Variants in DUS2 observed in about 807,000 individuals in gnomAD.
DUS2 encodes tRNA-dihydrouridine(20) synthase [NAD(P)+]-like.
Under a neutral mutation model 71.3 loss-of-function variants are expected in DUS2, and 52 were observed. The ratio of observed to expected loss-of-function variants is 0.73; its 90% CI spans 0.58 to 0.92. The LOEUF is 0.92. DUS2 is among the 40% of genes least tolerant of loss of function. The probability of loss-of-function intolerance (pLI) is 0.00; values close to 1 mark genes in which losing one functional copy is unlikely to be tolerated. For synonymous variants in DUS2, 204 were observed against 227.8 expected, an observed-to-expected ratio of 0.90 and a Z score of 0.94; for missense variants, 558 against 622.6, an observed-to-expected ratio of 0.90 and a Z score of 1.10.
intron 2 of DUS2, among the ~76,000 whole-genome samples, chr16:68,026,371 T>C (rs571113340): frequency 6.6e-6 from 1 of 152,304 alleles, no homozygotes; most frequent in African/African-American, 2.4e-5. Context: ...CTTTGGGAAT[T>C]GCAAAGCATT....
intron 8 of DUS2, among the ~76,000 whole-genome samples, chr16:68,064,403 A>G (rs2033978900): frequency 6.6e-6 from 1 of 152,206 alleles, no homozygotes; most frequent in Non-Finnish European, 1.5e-5. Flanking sequence ...CTTAACACAC[A>G]CATGAAACAC....
intron 3 of DUS2, among the ~76,000 whole-genome samples, chr16:68,045,007 G>C (rs1468834459): frequency 6.6e-6 from 1 of 151,940 alleles, no homozygotes; most frequent in African/African-American, 2.4e-5. Flanking sequence ...TGGTCAGGCT[G>C]GTCTTGAACT....
Position 68,023,309 on chromosome 16 carries a change from C to G in DUS2, c.-141C>G. On this transcript the variant is annotated 5_prime_UTR_variant, in exon 1 of 17. Coordinates refer to ENST00000565263, the MANE Select transcript of DUS2 (RefSeq NM_017803.5). ...AGTACGGTGTGTGGAGCTGGAGCAC[C>G]GTGAGGAAGAAGCGAGGTTCTTTTT... 3 of 1,312,734 alleles carry G rather than the reference C, an allele frequency of 2.3e-6. No individual in the cohort carries two copies. Among genetic ancestry groups the G allele is most frequent in the Non-Finnish European group, 3.1e-6 (3 of 969,964 alleles). The allele number at this position is 1,312,734 out of a possible 1,614,324, so 81.3% of individuals were successfully genotyped here.
At position 68,076,683 on chromosome 16, in the gene DUS2, C is replaced by T. The variant is rs1464139353; in HGVS notation, c.1134C>T (p.Cys378=). The T allele has an allele frequency of 6.2e-7, 1 of 1,614,060 alleles. No homozygotes were observed. Among genetic ancestry groups the T allele is most frequent in the Non-Finnish European group, 8.5e-7 (1 of 1,179,944 alleles). ...ITPKMCLLEW[C]RREKLAQPVY... ...CTAAGATGTGCCTACTAGAGTGGTG[C>T]CGGAGGGAGAAGTTGGCACAGCCTG... The change falls in exon 15 of 17, where the codon TGC becomes TGT. Residue 378 remains cysteine (C), a synonymous_variant. Transcript: ENST00000565263.
rs545823334 is a variant in DUS2, at chr16:68,052,965, C to G, written c.173-599C>G. 3.6e-3 allele frequency among the ~76,000 whole-genome samples: 487 copies of G among 134,432 alleles called. 2 individuals are homozygous for G. The highest frequency in any genetic ancestry group is 0.014 in the African/African-American group (450 of 33,302). The allele number at this position is 134,432 out of a possible 152,430, so 88.2% of individuals were successfully genotyped here. On this transcript the variant is annotated intron_variant, in intron 4 of 16. Transcript: ENST00000565263. ...GCTATGTATGTACATTTTGTTTCAA[C>G]ATTTTTTTTTTTTTCGAGACGGAGT...
intron 7 of DUS2, among the ~76,000 whole-genome samples, chr16:68,059,377 G>A (rs538173890): frequency 6.6e-6 from 1 of 152,286 alleles, no homozygotes; most frequent in Non-Finnish European, 1.5e-5. Flanking sequence ...AAATTCCATT[G>A]TTGAGAAAGC....
chr16:68,045,323 C>T (rs2033684282), intron 3 of DUS2, among the ~76,000 whole-genome samples: 1 of 151,874 alleles, frequency 6.6e-6, no homozygotes. Context: ...AAGATCACAT[C>T]GGCCCAGCGT....
chr16:68,035,839 C>T (rs12600199), intron 2 of DUS2, among the ~76,000 whole-genome samples: 17,921 of 140,980 alleles, frequency 0.13, 1,247 homozygotes, highest in South Asian at 0.2. Flanking sequence ...CACAGCTTCC[C>T]GAGTAGCTAG....
At chr16:68,065,422 C>CTCAA (rs879292897) in intron 8 of DUS2, among the ~76,000 whole-genome samples, 18 of 149,740 alleles carry the variant, frequency 1.2e-4, no homozygotes, top group Non-Finnish European at 2.2e-4. Context: ...GGTGCAGTGG[C>CTCAA]TCAAGCCTGT....
intron 10 of DUS2, among the ~76,000 whole-genome samples, chr16:68,069,847 T>C (rs1391490337): frequency 6.6e-6 from 1 of 152,114 alleles, no homozygotes; most frequent in East Asian, 1.9e-4. Flanking sequence ...CAACATGACC[T>C]TGGGAGCCAG....
chr16:68,027,423 A>G (rs2033367547), intron 2 of DUS2, among the ~76,000 whole-genome samples: 1 of 152,144 alleles, frequency 6.6e-6, no homozygotes, highest in Admixed American at 6.5e-5. Flanking sequence ...TTTTTAGTAG[A>G]GACGTGGTTT....
At chr16:68,076,509 C>A in intron 14 of DUS2, 123 bp from the exon 15 acceptor site, 2 of 693,568 alleles carry the variant, frequency 2.9e-6, no homozygotes, top group Non-Finnish European at 5.0e-6. Context: ...AGCCTTAAGG[C>A]AGCAGCTCGG....
At chr16:68,076,932 C>T (rs1217366409) in intron 15 of DUS2, among the ~76,000 whole-genome samples, 31 of 148,548 alleles carry the variant, frequency 2.1e-4, no homozygotes, top group Non-Finnish European at 3.7e-4. Context: ...TTTTTTGAAA[C>T]AGAGTCTAAT....
chr16:68,071,144 C>T, intron 12 of DUS2, 36 bp downstream of exon 12: 1 of 1,608,168 alleles, frequency 6.2e-7, no homozygotes, highest in Non-Finnish European at 8.5e-7. Flanking sequence ...AAGCATTTCT[C>T]ACTGTCTACC....
chr16:68,053,369 C>G (rs377518213), intron 4 of DUS2, among the ~76,000 whole-genome samples, 195 bp from the exon 5 acceptor site: 4 of 152,224 alleles, frequency 2.6e-5, no homozygotes, highest in Admixed American at 2.0e-4. Context: ...AACCATCACC[C>G]AGGTCAGGAA....
intron 2 of DUS2, among the ~76,000 whole-genome samples, chr16:68,031,809 T>C (rs889353887): frequency 2.0e-5 from 3 of 152,066 alleles, no homozygotes; most frequent in African/African-American, 7.2e-5. Context: ...ATTCTCCTGC[T>C]TCAGCCTCCC....
chr16:68,037,464 C>T (rs958353877), intron 2 of DUS2, among the ~76,000 whole-genome samples: 2 of 146,076 alleles, frequency 1.4e-5, no homozygotes, highest in Admixed American at 7.0e-5. Context: ...GTTGCCCAGG[C>T]GGGGGTACAA....
chr16:68,060,968 T>A (rs1202299134), intron 7 of DUS2, 98 bp from the exon 8 acceptor site: 2 of 1,180,806 alleles, frequency 1.7e-6, no homozygotes, highest in Non-Finnish European at 2.5e-6. Context: ...CCCTTGGAAG[T>A]GAGTGCCGGG....
At chr16:68,032,908 C>CAAAA (rs71145986) in intron 2 of DUS2, among the ~76,000 whole-genome samples, 53 of 57,702 alleles carry the variant, frequency 9.2e-4, no homozygotes, top group Admixed American at 1.4e-3. Flanking sequence ...GACTCCATCT[C>CAAAA]AAAAAAAAAA....
Sources: gnomAD v4.1 joint callset for allele counts (sites outside exome capture counted in the v4.1 genomes callset) on GRCh38, gnomAD v4.1.1 for gene constraint, MANE v1.5 for transcripts, NCBI Gene and HGNC (gene_info 2026-07-23, HGNC 2026-07-21) for gene names.